SPECC1L: variants seen among roughly 807,000 people sequenced by gnomAD.
SPECC1L encodes the protein sperm antigen with calponin homology and coiled-coil domains 1 like.
Under a neutral mutation model 116.8 loss-of-function variants are expected in SPECC1L, and 40 were observed. The observed-to-expected ratio is 0.34, with a 90% CI of 0.27 to 0.45. The LOEUF is 0.45. SPECC1L is among the 20% of genes least tolerant of loss of function. SPECC1L has a pLI of 1.00. For synonymous variants in SPECC1L, 504 were observed against 500.6 expected, an observed-to-expected ratio of 1.01 and a Z score of -0.09; for missense variants, 1,110 against 1,373.6, an observed-to-expected ratio of 0.81 and a Z score of 3.03.
chr22:24,372,887 G>T (rs1456814249), intron 14 of SPECC1L, among the ~76,000 whole-genome samples: 1 of 152,182 alleles, frequency 6.6e-6, no homozygotes, highest in East Asian at 1.9e-4. Context: ...CATCATCTCA[G>T]CCCAGAATCT....
chr22:24,400,653 T>TG (rs1383165733), intron 14 of SPECC1L, among the ~76,000 whole-genome samples: 2 of 152,238 alleles, frequency 1.3e-5, no homozygotes, highest in African/African-American at 2.4e-5. Flanking sequence ...AAACTCTTCC[T>TG]CAGCAGCGGC....
intron 11 of SPECC1L, among the ~76,000 whole-genome samples, chr22:24,356,320 C>T (rs887968413): frequency 6.6e-6 from 1 of 152,142 alleles, no homozygotes; most frequent in African/African-American, 2.4e-5. Flanking sequence ...TTAGTTCTAT[C>T]AGGTTTTACC....
intron 4 of SPECC1L, among the ~76,000 whole-genome samples, chr22:24,315,311 AG>A (rs2040538780): frequency 6.6e-6 from 1 of 152,256 alleles, no homozygotes; most frequent in African/African-American, 2.4e-5. Context: ...TCTGATTTAC[AG>A]GCATGATTTC....
At chr22:24,293,467 AAG>A (rs2049196200) in intron 2 of SPECC1L, among the ~76,000 whole-genome samples, 1 of 152,262 alleles carries the variant, frequency 6.6e-6, no homozygotes, top group East Asian at 1.9e-4. Context: ...CAAAAAATAA[AAG>A]GGGGGAAAAA....
chr22:24,299,983 C>T (rs1235810033), intron 2 of SPECC1L, among the ~76,000 whole-genome samples: 1 of 152,162 alleles, frequency 6.6e-6, no homozygotes, highest in East Asian at 1.9e-4. Context: ...TCATATAATA[C>T]ATGGTCCTTT....
chr22:24,325,332 A>T (rs2040796683), intron 6 of SPECC1L, among the ~76,000 whole-genome samples: 1 of 152,192 alleles, frequency 6.6e-6, no homozygotes, highest in African/African-American at 2.4e-5. Context: ...GCTAGATGGC[A>T]GTTTTGCAAA....
At chr22:24,378,507 TTTC>T (rs2042009464) in intron 14 of SPECC1L, among the ~76,000 whole-genome samples, 1 of 152,290 alleles carries the variant, frequency 6.6e-6, no homozygotes, top group African/African-American at 2.4e-5. Context: ...GTGGCCTAAC[TTTC>T]AGCCTTTTGG....
intron 14 of SPECC1L, among the ~76,000 whole-genome samples, chr22:24,390,867 C>T (rs75848429): frequency 0.059 from 2,702 of 45,818 alleles, 2 homozygotes; most frequent in Non-Finnish European, 0.067. Flanking sequence ...TTTTTTTTTT[C>T]TTTTCTTTTT....
intron 14 of SPECC1L, among the ~76,000 whole-genome samples, chr22:24,402,323 A>G (rs1056441048): frequency 2.0e-5 from 3 of 151,930 alleles, no homozygotes; most frequent in Non-Finnish European, 4.4e-5. Flanking sequence ...CATCACTCCC[A>G]GGGCATTCTG....
intron 1 of SPECC1L, among the ~76,000 whole-genome samples, chr22:24,273,713 C>A (rs1457571291): frequency 6.6e-6 from 1 of 152,122 alleles, no homozygotes; most frequent in Admixed American, 6.5e-5. Context: ...ATTTGCATGG[C>A]ATTAAAGATG....
intron 14 of SPECC1L, among the ~76,000 whole-genome samples, chr22:24,393,459 T>TG (rs1277469568): frequency 1.3e-5 from 2 of 152,196 alleles, no homozygotes; most frequent in Non-Finnish European, 2.9e-5. Context: ...ACACACAAGA[T>TG]GACTTTCTGC....
chr22:24,354,372 A>G (rs1388926226), intron 11 of SPECC1L, among the ~76,000 whole-genome samples: 1 of 152,070 alleles, frequency 6.6e-6, no homozygotes, highest in Admixed American at 6.5e-5. Flanking sequence ...TCCTTATTCC[A>G]TCTGTAAGGA....
At chr22:24,375,067 A>C (rs1231945353) in intron 14 of SPECC1L, among the ~76,000 whole-genome samples, 1 of 152,192 alleles carries the variant, frequency 6.6e-6, no homozygotes, top group Admixed American at 6.5e-5. Flanking sequence ...AATGCCAAAA[A>C]TTGGATAACT....
intron 16 of SPECC1L, among the ~76,000 whole-genome samples, chr22:24,413,404 C>G (rs5760403): frequency 6.6e-6 from 1 of 152,168 alleles, no homozygotes; most frequent in African/African-American, 2.4e-5. Context: ...CACAGACCAT[C>G]GGGATTTTCA....
At chr22:24,376,106 C>G (rs982670848) in intron 14 of SPECC1L, among the ~76,000 whole-genome samples, 2 of 152,034 alleles carry the variant, frequency 1.3e-5, no homozygotes, top group African/African-American at 4.8e-5. Flanking sequence ...CAAGTTCTAG[C>G]TAAGACAGAC....
At chr22:24,364,736 G>A (rs923754144) in intron 12 of SPECC1L, among the ~76,000 whole-genome samples, 5 of 150,808 alleles carry the variant, frequency 3.3e-5, no homozygotes, top group African/African-American at 1.2e-4. Context: ...TTTCCTTTCT[G>A]TCCCTTTAAC....
At chr22:24,370,980 T>C (rs2041860393) in intron 14 of SPECC1L, among the ~76,000 whole-genome samples, 1 of 152,132 alleles carries the variant, frequency 6.6e-6, no homozygotes, top group Non-Finnish European at 1.5e-5. Flanking sequence ...AAAAAAGTAC[T>C]GGAGATGGAT....
chr22:24,280,732 C>CG (rs1569401207), intron 2 of SPECC1L, among the ~76,000 whole-genome samples: 1 of 152,002 alleles, frequency 6.6e-6, no homozygotes, highest in African/African-American at 2.4e-5. Flanking sequence ...CATTTGCCAC[C>CG]GCCCCCCATT....
chr22:24,320,690 G>C (rs1317349309), intron 4 of SPECC1L, among the ~76,000 whole-genome samples: 1 of 152,168 alleles, frequency 6.6e-6, no homozygotes, highest in Non-Finnish European at 1.5e-5. Context: ...CCAAGTGCTA[G>C]GTATGTGTTA....
Sources: allele counts gnomAD v4.1 joint callset (sites outside exome capture counted in the v4.1 genomes callset), GRCh38; gene constraint gnomAD v4.1.1; transcripts MANE v1.5; gene names NCBI Gene and HGNC (gene_info 2026-07-23, HGNC 2026-07-21).